Variants in RMC1 observed in about 807,000 individuals in gnomAD.
The protein encoded by RMC1 is regulator of MON1-CCZ1 complex.
A neutral mutation model predicts 95.5 loss-of-function variants in RMC1; 44 were observed. The ratio of observed to expected loss-of-function variants is 0.46; its 90% CI spans 0.36 to 0.59. The LOEUF (loss-of-function observed/expected upper bound fraction) is 0.59. RMC1 is among the 20% of genes least tolerant of loss of function. RMC1 has a pLI of 0.00. For synonymous variants in RMC1, 320 were observed against 303.6 expected (o/e 1.05, Z -0.56); for missense variants, 705 against 819.6 (o/e 0.86, Z 1.71).
intron 16 of RMC1, 46 bp downstream of exon 16, chr18:23,529,758 A>C: frequency 1.3e-6 from 2 of 1,534,466 alleles, no homozygotes; most frequent in Non-Finnish European, 1.8e-6. Context: ...AAGGAATTTA[A>C]AAAAAAAACA....
In RMC1 at chr18:23,511,417, C is replaced by G. The variant is rs2057854229; in HGVS notation, c.408+2138C>G. Among the ~76,000 whole-genome samples, 3 of 152,292 alleles carry G rather than the reference C, an allele frequency of 2.0e-5. No homozygotes were observed. The South Asian group carries it at 6.2e-4, about 32-fold the overall frequency. On this transcript the variant is annotated intron_variant, in intron 5 of 19. Coordinates refer to ENST00000269221, the MANE Select transcript of RMC1 (RefSeq NM_013326.5). ...GTGATGAAATAATCTGTACCACAAA[C>G]CCCGTGACATGAGTTTACGTATGTA... is the stretch of plus-strand genomic sequence containing the variant.
At position 23,529,645 on chromosome 18, in the gene RMC1, A is replaced by G. The variant is rs773145224; in HGVS notation, c.1427A>G (p.His476Arg). Residue 476 changes from histidine to arginine, a missense_variant, in exon 16 of 20, where the codon CAT (histidine) becomes CGT (arginine). Coordinates refer to ENST00000269221, the MANE Select transcript of RMC1 (RefSeq NM_013326.5). ...TTTTTTTCTCCCTAGGAGATGCCTC[A>G]TAAATTTGTGATAGCCGTGCTGATG... ...SAFVEKKEMP[H>R]KFVIAVLMEY... 2 of 1,614,038 alleles carry G rather than the reference A, an allele frequency of 1.2e-6. No individual in the cohort carries two copies. The highest frequency in any genetic ancestry group is 2.2e-5 in the East Asian group (1 of 44,892).
At chr18:23,504,215 C>G (rs1025962800) in intron 1 of RMC1, among the ~76,000 whole-genome samples, 156 bp from the exon 2 acceptor site, 29 of 152,232 alleles carry the variant, frequency 1.9e-4, no homozygotes, top group Non-Finnish European at 1.0e-4. Context: ...TTTTAAAATT[C>G]ACCTGAGCAG....
chr18:23,527,358 G>A (rs976185987), intron 13 of RMC1, among the ~76,000 whole-genome samples: 2 of 151,858 alleles, frequency 1.3e-5, no homozygotes, highest in Admixed American at 1.3e-4. Context: ...GTTTGTGTCA[G>A]TGTACCTCCA....
At chr18:23,503,946 A>G (rs1412791591) in intron 1 of RMC1, among the ~76,000 whole-genome samples, 1 of 151,374 alleles carries the variant, frequency 6.6e-6, no homozygotes, top group East Asian at 2.0e-4. Flanking sequence ...GCGCGGATGC[A>G]GTGGCCCCGT....
chr18:23,524,575 T>G, intron 12 of RMC1, 93 bp downstream of exon 12: 3 of 1,308,858 alleles, frequency 2.3e-6, no homozygotes, highest in Non-Finnish European at 3.3e-6. Context: ...GGTGAATCTC[T>G]TAGAAATGAC....
chr18:23,503,832 C>T (rs1022836675), intron 1 of RMC1, 112 bp downstream of exon 1: 13 of 906,928 alleles, frequency 1.4e-5, no homozygotes, highest in Middle Eastern at 3.0e-4. Flanking sequence ...TGTCCCGTCC[C>T]GTCCCAGCGC....
intron 5 of RMC1, among the ~76,000 whole-genome samples, chr18:23,515,633 A>G (rs1376537217): frequency 6.6e-6 from 1 of 152,158 alleles, no homozygotes; most frequent in East Asian, 1.9e-4. Context: ...GGTTCATTCA[A>G]GCAATTCTTG....
chr18:23,525,738 G>A (rs1018799895), intron 12 of RMC1, among the ~76,000 whole-genome samples: 19 of 151,128 alleles, frequency 1.3e-4, no homozygotes, highest in African/African-American at 4.1e-4. Context: ...TTTTTTTTTT[G>A]TAGAGACAGG....
chr18:23,529,998 T>G, intron 16 of RMC1, 30 bp from the exon 17 acceptor site: 1 of 1,566,600 alleles, frequency 6.4e-7, no homozygotes, highest in Non-Finnish European at 8.8e-7. Flanking sequence ...GATTTGGAAG[T>G]GTTCTTTCAC....
At position 23,516,231 on chromosome 18, in the gene RMC1, G is replaced by A; in HGVS notation, c.550-89G>A. The stretch of plus-strand genomic sequence containing the variant: ...TGGAAAGGATCCAAAGACGAAGTCT[G>A]TGTTTATCCTTGTTGGTTTTACACA... On this transcript the variant is annotated intron_variant, in intron 6 of 19. Coordinates refer to ENST00000269221, the MANE Select transcript of RMC1 (RefSeq NM_013326.5). 2.7e-6 allele frequency: 4 copies of A among 1,468,988 alleles called. No homozygotes were observed. In the Admixed American group the frequency reaches 6.7e-5, roughly 25 times the overall value. The allele number at this position is 1,468,988 out of a possible 1,614,324, so 91.0% of individuals were successfully genotyped here. A position where few individuals can be genotyped will look rare whatever the true frequency, so the allele number is the denominator to read the frequency against.
At chr18:23,529,149 A>G (rs1038221613) in intron 14 of RMC1, 30 bp from the exon 15 acceptor site, 2 of 1,600,950 alleles carry the variant, frequency 1.2e-6, no homozygotes, top group Non-Finnish European at 1.7e-6. Flanking sequence ...AAGATGCCGA[A>G]GATCATAGTT....
At chr18:23,509,316 T>C in intron 5 of RMC1, 37 bp downstream of exon 5, 3 of 1,051,512 alleles carry the variant, frequency 2.9e-6, no homozygotes, top group Non-Finnish European at 3.9e-6. Context: ...TGGTTAAAGT[T>C]CAGTGATAGC....
chr18:23,528,007 C>T (rs1035812682), intron 14 of RMC1, 106 bp downstream of exon 14: 30 of 965,604 alleles, frequency 3.1e-5, no homozygotes, highest in African/African-American at 8.4e-5. Flanking sequence ...AGAATAAGGT[C>T]GCTGAGATTT....
rs777477860 is a variant in RMC1, at chr18:23,519,200, A to G, written c.849+26A>G. 4 of 1,595,342 alleles carry G rather than the reference A, an allele frequency of 2.5e-6. No individual in the cohort carries two copies. The South Asian group carries it at 3.3e-5, about 13-fold the overall frequency. On this transcript the variant is annotated intron_variant, in intron 9 of 19. Coordinates refer to ENST00000269221, the MANE Select transcript of RMC1 (RefSeq NM_013326.5). ...GTACAAGCTGTCTGCGTTTCTACCA[A>G]AGTTAAGGTTGCTTAAAAGCCTTGT...
At chr18:23,505,191 G>A (rs2057682227) in intron 2 of RMC1, among the ~76,000 whole-genome samples, 1 of 152,056 alleles carries the variant, frequency 6.6e-6, no homozygotes, top group African/African-American at 2.4e-5. Context: ...CCAAGTAGCT[G>A]GGATTAGAGG....
rs1327141572 is a variant in RMC1 at position 23,527,851 on chromosome 18, C to T, written c.1246C>T (p.Leu416Phe). 1 of 1,613,988 alleles carries T rather than the reference C, an allele frequency of 6.2e-7. No individual in the cohort carries two copies. Among genetic ancestry groups the T allele is most frequent in the African/African-American group, 1.3e-5 (1 of 74,890 alleles). The change falls in exon 14 of 20, where the codon CTC (leucine) becomes TTC (phenylalanine). Residue 416 changes from leucine (L) to phenylalanine (F), a missense_variant. Transcript: ENST00000269221. The part of the protein sequence containing the change: ...LPVIATVFDK[L>F]NHEYKKYLDA... The stretch of plus-strand genomic sequence containing the variant: ...CGTGATAGCCACTGTTTTTGATAAA[C>T]TCAACCATGAGTATAAAAAGTACCT...
At chr18:23,528,141 C>T in intron 14 of RMC1, 1 of 411,534 alleles carries the variant, frequency 2.4e-6, no homozygotes, top group Non-Finnish European at 4.3e-6. Context: ...TTTTGTTTTT[C>T]CCATCTGTGT....
Position 23,524,191 on chromosome 18 carries a change from T to G in RMC1, c.1006+17T>G. 6.2e-7 allele frequency: 1 copy of G among 1,612,884 alleles called. No individual in the cohort carries two copies. The highest frequency in any genetic ancestry group is 8.5e-7 in the Non-Finnish European group (1 of 1,179,868). ...GTAAACTCTGTATCCTTTACTAAGG[T>G]GTGGCACCGTGCACAACAGGGCAAG... On this transcript the variant is annotated intron_variant, in intron 11 of 19. Coordinates refer to ENST00000269221, the MANE Select transcript of RMC1 (RefSeq NM_013326.5).
Sources: allele counts gnomAD v4.1 joint callset (sites outside exome capture counted in the v4.1 genomes callset), GRCh38; gene constraint gnomAD v4.1.1; transcripts MANE v1.5; gene names NCBI Gene and HGNC (gene_info 2026-07-23, HGNC 2026-07-21).